Variants in LAMA3 observed in about 807,000 individuals in gnomAD.
LAMA3 encodes laminin subunit alpha-3.
In LAMA3, 281 loss-of-function variants were observed where a neutral mutation model predicts 402.0. The ratio of observed to expected loss-of-function variants is 0.70; its 90% CI spans 0.63 to 0.77. The LOEUF is 0.77. Ranked by LOEUF, LAMA3 falls within the 30% of genes least tolerant of loss-of-function variation. The pLI is 0.00. For missense variants in LAMA3, 3,840 were observed against 4,215.5 expected (o/e 0.91, Z 2.47); for synonymous variants, 1,431 against 1,558.4 (o/e 0.92, Z 1.93).
chr18:23,758,332 T>C (rs1256337897), intron 6 of LAMA3, 64 bp from the exon 7 acceptor site: 2 of 1,185,678 alleles, frequency 1.7e-6, no homozygotes, highest in African/African-American at 1.5e-5. Context: ...GTTCGCACTA[T>C]AGGATCAACT....
rs7238751 is a variant in LAMA3 at position 23,803,619 on chromosome 18, C to T, written c.1604-6747C>T. Reference sequence around the variant, plus strand: ...GGCCATCCAGTCAAAGAATTGGCCACAGCCCATTAATCAATATGTAATTTC... The same window carrying T: ...GGCCATCCAGTCAAAGAATTGGCCATAGCCCATTAATCAATATGTAATTTC... On this transcript the variant is annotated intron_variant, in intron 12 of 74. Transcript: ENST00000313654. Among the ~76,000 whole-genome samples, 883 of 152,344 alleles carry T rather than the reference C, an allele frequency of 5.8e-3. 7 individuals carry two copies. Among genetic ancestry groups the T allele is most frequent in the African/African-American group, 0.02 (827 of 41,568 alleles).
At chr18:23,768,825 A>T (rs1425371783) in intron 8 of LAMA3, among the ~76,000 whole-genome samples, 2 of 152,232 alleles carry the variant, frequency 1.3e-5, no homozygotes, top group African/African-American at 4.8e-5. Flanking sequence ...GAATGAAATC[A>T]TACCCTTTGC....
Position 23,905,614 on chromosome 18 carries a change from G to C in LAMA3, c.6708G>C (p.Lys2236Asn), listed in dbSNP as rs767973552. The stretch of plus-strand genomic sequence containing the variant: ...ATGAAGCCAAGATGACACAAAAGAA[G>C]CTAAAGCAAGGTATTAGGGGGAGTG... ...LLNEAKMTQK[K>N]LKQEVSPALN... Residue 2236 changes from lysine to asparagine, a missense_variant, in exon 52 of 75, where the codon AAG becomes AAC. Lys to Asn is a moderately conservative substitution (Grantham distance 94, BLOSUM62 0). Around this residue, in one of 3 missense-constraint regions of LAMA3, gnomAD observed 891 missense variants for 857.5 expected, o/e 1.04. Coordinates refer to ENST00000313654, the MANE Select transcript of LAMA3 (RefSeq NM_198129.4). 17 of 1,599,840 alleles carry C rather than the reference G, an allele frequency of 1.1e-5. No homozygotes were observed. In the East Asian group the frequency reaches 3.8e-4, roughly 36 times the overall value.
intron 2 of LAMA3, among the ~76,000 whole-genome samples, chr18:23,727,995 A>C (rs903007398): frequency 6.6e-6 from 1 of 152,058 alleles, no homozygotes; most frequent in Admixed American, 6.5e-5. Flanking sequence ...CGGCCTCCCA[A>C]AGTGCTGGCA....
intron 69 of LAMA3, among the ~76,000 whole-genome samples, chr18:23,945,388 G>A (rs748195978): frequency 2.9e-4 from 44 of 152,162 alleles, no homozygotes; most frequent in Non-Finnish European, 5.4e-4. Flanking sequence ...ATCACATCCT[G>A]TGATTTGGGG....
At position 23,873,063 on chromosome 18, in the gene LAMA3, C is replaced by A. The variant is rs139495056; in HGVS notation, c.4998+1402C>A. On this transcript the variant is annotated intron_variant, in intron 38 of 74. Coordinates refer to ENST00000313654, the MANE Select transcript of LAMA3 (RefSeq NM_198129.4). ...AACCGGGATGCCTCCAGCAGTGAGG[C>A]GGTCAGCCTGCAGCATGGGATGGCT... is the stretch of plus-strand genomic sequence containing the variant. 59 of 1,614,056 alleles carry A rather than the reference C, an allele frequency of 3.7e-5. No individual in the cohort carries two copies. The African/African-American group carries it at 7.6e-4, about 21-fold the overall frequency.
chr18:23,747,730 GAGAA>G (rs2061676371), intron 2 of LAMA3, among the ~76,000 whole-genome samples: 1 of 152,152 alleles, frequency 6.6e-6, no homozygotes, highest in African/African-American at 2.4e-5. Context: ...ATATTTGGTG[GAGAA>G]AGAAAGATAA....
At chr18:23,892,413 G>A (rs1314374162) in intron 42 of LAMA3, among the ~76,000 whole-genome samples, 1 of 151,170 alleles carries the variant, frequency 6.6e-6, no homozygotes, top group African/African-American at 2.4e-5. Flanking sequence ...CAACTAATAA[G>A]GGACACATTC....
At chr18:23,753,951 T>C (rs557524146) in intron 6 of LAMA3, 139 bp downstream of exon 6, 31 of 709,286 alleles carry the variant, frequency 4.4e-5, no homozygotes, top group Non-Finnish European at 7.4e-5. Flanking sequence ...AGGTGGGGGG[T>C]GTGTGCCTCC....
intron 34 of LAMA3, among the ~76,000 whole-genome samples, chr18:23,860,151 G>T (rs1287374850): frequency 1.3e-5 from 2 of 151,696 alleles, no homozygotes; most frequent in Non-Finnish European, 2.9e-5. Context: ...ATGATGTCTT[G>T]TTATGTCACA....
At chr18:23,937,290 C>T (rs1010156529) in intron 67 of LAMA3, among the ~76,000 whole-genome samples, 4 of 149,162 alleles carry the variant, frequency 2.7e-5, no homozygotes, top group Non-Finnish European at 4.4e-5. Flanking sequence ...CACTTGAACC[C>T]GGGAGGTGGA....
Position 23,776,128 on chromosome 18 carries a change from G to A in LAMA3, c.1405+205G>A, listed in dbSNP as rs558176626. Among the ~76,000 whole-genome samples, 3 of 152,304 alleles carry A rather than the reference G, an allele frequency of 2.0e-5. No individual in the cohort carries two copies. In the South Asian group the frequency reaches 6.2e-4, roughly 32 times the overall value. On this transcript the variant is annotated intron_variant, in intron 10 of 74. Coordinates refer to ENST00000313654, the MANE Select transcript of LAMA3 (RefSeq NM_198129.4). ...TTACAGTCTTATTTATCTCCAAAGT[G>A]TTATGTTGTGCCACAGAAATTGCCA...
chr18:23,728,592 G>T (rs985530840), intron 2 of LAMA3, among the ~76,000 whole-genome samples: 4 of 152,080 alleles, frequency 2.6e-5, no homozygotes, highest in African/African-American at 9.7e-5. Context: ...CAATGCTGTA[G>T]GTGCTTTATT....
chr18:23,845,117 T>G lies in LAMA3; in HGVS notation c.3712T>G (p.Tyr1238Asp). The G allele has an allele frequency of 6.4e-7, 1 of 1,571,428 alleles. No homozygotes were observed. The highest frequency in any genetic ancestry group is 2.2e-5 in the East Asian group (1 of 44,684). ...FITNCGKNSF[Y>D]LDPQTASRFC... ...CACCAATTGTGGAAAAAACAGCTTT[T>G]ACCTTGAGTGAGTATCACTTTGTGG... The change falls in exon 30 of 75, where the codon TAC becomes GAC. Residue 1238 changes from tyrosine (Y) to aspartate (D), a missense_variant. Physicochemically the swap from Tyr to Asp is radical, Grantham distance 160 (BLOSUM62 -3). Transcript: ENST00000313654.
intron 21 of LAMA3, among the ~76,000 whole-genome samples, chr18:23,824,930 C>T (rs2063352181): frequency 6.6e-6 from 1 of 152,178 alleles, no homozygotes. Context: ...GAAGTATAGA[C>T]TTTAGCACTC....
At chr18:23,702,285 GAGA>G (rs2060804718) in intron 1 of LAMA3, among the ~76,000 whole-genome samples, 1 of 152,142 alleles carries the variant, frequency 6.6e-6, no homozygotes, top group South Asian at 2.1e-4. Flanking sequence ...TCTATGGAGG[GAGA>G]AGACTAACGG....
chr18:23,870,415 G>A (rs2064484157), intron 37 of LAMA3, among the ~76,000 whole-genome samples: 1 of 152,126 alleles, frequency 6.6e-6, no homozygotes. Context: ...ATCCACTGTG[G>A]AAACACTGTG....
Position 23,912,763 on chromosome 18 carries a change from C to T in LAMA3, c.7211C>T (p.Pro2404Leu), listed in dbSNP as rs749048447. The change falls in exon 56 of 75, where the codon CCA becomes CTA. Residue 2404 changes from proline to leucine, a missense_variant. Transcript: ENST00000313654. ...NGKSGVEVRL[P>L]NDLEDLKGYT... is the part of the protein sequence containing the mutation. ...AAATCTGGAGTCGAAGTCCGACTGC[C>T]AAATGACCTGGAAGATTTGAAAGGA... 1 of 1,614,034 alleles carries T rather than the reference C, an allele frequency of 6.2e-7. No individual in the cohort carries two copies. Among genetic ancestry groups the T allele is most frequent in the South Asian group, 1.1e-5 (1 of 91,082 alleles).
Position 23,899,078 on chromosome 18 carries a change from A to G in LAMA3, c.5836+13A>G. ...CGGAATGTGCACAGTAAGAAGAGTT[A>G]TTAAGCCCAATTACATTTTTTTTGG... On this transcript the variant is annotated intron_variant, in intron 46 of 74. Coordinates refer to ENST00000313654, the MANE Select transcript of LAMA3 (RefSeq NM_198129.4). 1 of 1,589,052 alleles carries G rather than the reference A, an allele frequency of 6.3e-7. No individual in the cohort carries two copies. Among genetic ancestry groups the G allele is most frequent in the Non-Finnish European group, 8.6e-7 (1 of 1,157,692 alleles).
Sources: gnomAD v4.1 joint callset for allele counts (sites outside exome capture counted in the v4.1 genomes callset) on GRCh38, gnomAD v4.1.1 for gene constraint, gnomAD v4.1.1 regional missense constraint, MANE v1.5 for transcripts, NCBI Gene and HGNC (gene_info 2026-07-23, HGNC 2026-07-21) for gene names.